The following ANGPT1 variants were observed in gnomAD, a reference collection of about 807,000 sequenced individuals.
ANGPT1 encodes angiopoietin 1, also known as angiopoietin-1.
A neutral mutation model predicts 62.2 loss-of-function variants in ANGPT1; 17 were observed. That is an observed-to-expected ratio of 0.27 (90% CI 0.19 to 0.41). The LOEUF is 0.41. Ranked by LOEUF, ANGPT1 falls within the 10% of genes least tolerant of loss-of-function variation. ANGPT1 has a pLI of 1.00. For synonymous variants in ANGPT1, 199 were observed against 198.9 expected, an observed-to-expected ratio of 1.00 and a Z score of 0.00; for missense variants, 478 against 594.9, an observed-to-expected ratio of 0.80 and a Z score of 2.04.
intron 7 of ANGPT1, among the ~76,000 whole-genome samples, chr8:107,279,811 C>A (rs574300633): frequency 6.6e-6 from 1 of 151,842 alleles, no homozygotes; most frequent in East Asian, 1.9e-4. Flanking sequence ...AGATAGTTAA[C>A]AGTCACTCAT....
intron 1 of ANGPT1, among the ~76,000 whole-genome samples, chr8:107,483,814 A>G (rs560455360): frequency 6.6e-6 from 1 of 152,332 alleles, no homozygotes; most frequent in East Asian, 1.9e-4. Context: ...TATTATCTTT[A>G]TTTGTATGCT....
rs1464753499 is a variant in ANGPT1 at position 107,377,350 on chromosome 8, A to G, written c.298-30253T>C. On this transcript the variant is annotated intron_variant, in intron 1 of 8. Coordinates refer to ENST00000517746, the MANE Select transcript of ANGPT1 (RefSeq NM_001146.5). ...GAATTTCCTCCCCAGATGCCTCGTG[A>G]CATTGGCATATGCATAGCAGGAAAC... 2.0e-5 allele frequency among the ~76,000 whole-genome samples: 3 copies of G among 152,162 alleles called. No homozygotes were observed. In the East Asian group the frequency reaches 5.8e-4, roughly 29 times the overall value.
At chr8:107,339,826 G>A (rs1429593726) in intron 2 of ANGPT1, among the ~76,000 whole-genome samples, 1 of 152,170 alleles carries the variant, frequency 6.6e-6, no homozygotes, top group Admixed American at 6.5e-5. Context: ...TAACAGGGCC[G>A]ACATGAATAT....
chr8:107,475,233 AGAGATATAG>A (rs1812485346), intron 1 of ANGPT1, among the ~76,000 whole-genome samples: 1 of 152,208 alleles, frequency 6.6e-6, no homozygotes, highest in African/African-American at 2.4e-5. Context: ...GTACCAAAAC[AGAGATATAG>A]GCCAATGGAA....
chr8:107,296,139 C>T (rs1814409614), intron 5 of ANGPT1, among the ~76,000 whole-genome samples: 1 of 151,962 alleles, frequency 6.6e-6, no homozygotes, highest in Non-Finnish European at 1.5e-5. Flanking sequence ...AAGACAAATG[C>T]AATTACTTAA....
At chr8:107,324,365 T>C (rs372401727) in intron 3 of ANGPT1, among the ~76,000 whole-genome samples, 14 of 151,890 alleles carry the variant, frequency 9.2e-5, no homozygotes, top group South Asian at 6.2e-4. Context: ...TTGGTGTCCT[T>C]ATAAAAAGGG....
At chr8:107,415,653 G>C (rs1250665125) in intron 1 of ANGPT1, among the ~76,000 whole-genome samples, 1 of 152,174 alleles carries the variant, frequency 6.6e-6, no homozygotes, top group African/African-American at 2.4e-5. Flanking sequence ...GGAAGCAATA[G>C]AGTATATCAC....
At chr8:107,364,452 T>C (rs765213605) in intron 1 of ANGPT1, among the ~76,000 whole-genome samples, 53 of 152,272 alleles carry the variant, frequency 3.5e-4, no homozygotes, top group Non-Finnish European at 6.2e-4. Context: ...AGCTAATTTT[T>C]ATATTTTCAG....
intron 3 of ANGPT1, among the ~76,000 whole-genome samples, chr8:107,328,765 T>C (rs188075939): frequency 6.6e-6 from 1 of 152,120 alleles, no homozygotes; most frequent in Admixed American, 6.5e-5. Flanking sequence ...AAGCCGAGAT[T>C]AATTAGATGG....
intron 1 of ANGPT1, among the ~76,000 whole-genome samples, chr8:107,394,906 T>A (rs1816905779): frequency 6.6e-6 from 1 of 152,194 alleles, no homozygotes; most frequent in Non-Finnish European, 1.5e-5. Context: ...CTTATGGATT[T>A]TTTTCCTCTT....
At chr8:107,461,101 A>G (rs1812059948) in intron 1 of ANGPT1, among the ~76,000 whole-genome samples, 1 of 152,112 alleles carries the variant, frequency 6.6e-6, no homozygotes, top group South Asian at 2.1e-4. Context: ...TAAAAACCTG[A>G]TTTTATATTT....
chr8:107,334,317 T>G (rs904002935), intron 3 of ANGPT1, among the ~76,000 whole-genome samples: 2 of 152,190 alleles, frequency 1.3e-5, no homozygotes, highest in Non-Finnish European at 2.9e-5. Context: ...TCAAACCACC[T>G]TAGGTTATAC....
chr8:107,351,765 T>A (rs1339310449), intron 1 of ANGPT1, among the ~76,000 whole-genome samples: 1 of 152,068 alleles, frequency 6.6e-6, no homozygotes, highest in Non-Finnish European at 1.5e-5. Context: ...AGTCCTCTCA[T>A]TAGTTCTTAC....
chr8:107,280,360 C>T (rs1813975828), intron 7 of ANGPT1, among the ~76,000 whole-genome samples: 1 of 152,058 alleles, frequency 6.6e-6, no homozygotes, highest in Non-Finnish European at 1.5e-5. Flanking sequence ...GCTACCACGC[C>T]CGGCTAATTT....
At chr8:107,354,116 C>G (rs756434377) in intron 1 of ANGPT1, among the ~76,000 whole-genome samples, 5 of 152,102 alleles carry the variant, frequency 3.3e-5, no homozygotes, top group Admixed American at 1.3e-4. Flanking sequence ...TACATTGCCC[C>G]TAGAGTTGGG....
intron 1 of ANGPT1, among the ~76,000 whole-genome samples, chr8:107,417,307 A>G (rs1810779558): frequency 6.6e-6 from 1 of 152,160 alleles, no homozygotes; most frequent in Non-Finnish European, 1.5e-5. Flanking sequence ...TGAGAGAATG[A>G]TCTGATATCA....
At chr8:107,412,776 C>T (rs954500885) in intron 1 of ANGPT1, among the ~76,000 whole-genome samples, 2 of 152,060 alleles carry the variant, frequency 1.3e-5, no homozygotes, top group Middle Eastern at 3.2e-3. Context: ...GAATTATTAC[C>T]TCACTTTGCC....
chr8:107,371,678 G>C lies in ANGPT1; in HGVS notation c.298-24581C>G, dbSNP rs1021348237. 2.0e-5 allele frequency among the ~76,000 whole-genome samples: 3 copies of C among 148,660 alleles called. No individual in the cohort carries two copies. The Admixed American group carries it at 2.1e-4, about 10-fold the overall frequency. Reference sequence around the variant, plus strand: ...TGCAACCTCCACCTCCCAGGTTCAAGTGATTCTCCAGCCTCAACCTCCCTA... The same window carrying C: ...TGCAACCTCCACCTCCCAGGTTCAACTGATTCTCCAGCCTCAACCTCCCTA... On this transcript the variant is annotated intron_variant, in intron 1 of 8. Transcript: ENST00000517746.
rs551423240 is a variant in ANGPT1, at chr8:107,317,410, C to T, written c.808+4486G>A. ...ATCCTGCTACAGCAGAAATGAGCTT[C>T]GAGCTGATTTGAGCAGTGTGAGACA... On this transcript the variant is annotated intron_variant, in intron 4 of 8. Coordinates refer to ENST00000517746, the MANE Select transcript of ANGPT1 (RefSeq NM_001146.5). Among the ~76,000 whole-genome samples, 29 of 152,260 alleles carry T rather than the reference C, an allele frequency of 1.9e-4. No individual in the cohort carries two copies. In the East Asian group the frequency reaches 2.9e-3, roughly 15 times the overall value.
Sources: gnomAD v4.1 joint callset for allele counts (sites outside exome capture counted in the v4.1 genomes callset) on GRCh38, gnomAD v4.1.1 for gene constraint, MANE v1.5 for transcripts, NCBI Gene and HGNC (gene_info 2026-07-23, HGNC 2026-07-21) for gene names.